CHSY3: variants seen among roughly 807,000 people sequenced by gnomAD.
CHSY3 encodes N-acetylgalactosaminyl-proteoglycan 3-beta-glucuronosyltransferase 3.
A neutral mutation model predicts 67.2 loss-of-function variants in CHSY3; 35 were observed. The observed-to-expected ratio is 0.52, with a 90% CI of 0.40 to 0.69. The LOEUF is 0.69. Ranked by LOEUF, CHSY3 falls within the 30% of genes least tolerant of loss-of-function variation. CHSY3 has a pLI of 0.00. For synonymous variants in CHSY3, 474 were observed against 434.7 expected, an observed-to-expected ratio of 1.09 and a Z score of -1.12; for missense variants, 1,069 against 1,138.5, an observed-to-expected ratio of 0.94 and a Z score of 0.88.
chr5:129,911,939 C>A (rs1760570057), intron 2 of CHSY3, among the ~76,000 whole-genome samples: 2 of 152,046 alleles, frequency 1.3e-5, no homozygotes, highest in Non-Finnish European at 2.9e-5. Context: ...GCCTGTAGTC[C>A]CAGCTACTTG....
intron 2 of CHSY3, among the ~76,000 whole-genome samples, chr5:130,108,957 C>T (rs1767504435): frequency 6.6e-6 from 1 of 151,578 alleles, no homozygotes; most frequent in South Asian, 2.1e-4. Flanking sequence ...CCAAAATAGT[C>T]TAAAGCATGG....
At chr5:130,081,840 G>A (rs1176123686) in intron 2 of CHSY3, among the ~76,000 whole-genome samples, 4 of 151,920 alleles carry the variant, frequency 2.6e-5, no homozygotes, top group Non-Finnish European at 4.4e-5. Context: ...ACCCACTCTC[G>A]GATGTTTCTT....
At position 129,969,091 on chromosome 5, in the gene CHSY3, A is replaced by T. The variant is rs1185133487; in HGVS notation, c.1086+60731A>T. 2.6e-5 allele frequency among the ~76,000 whole-genome samples: 4 copies of T among 151,884 alleles called. No individual in the cohort carries two copies. In the Admixed American group the frequency reaches 2.6e-4, roughly 10 times the overall value. On this transcript the variant is annotated intron_variant, in intron 2 of 2. Coordinates refer to ENST00000305031, the MANE Select transcript of CHSY3 (RefSeq NM_175856.5). ...TATGTACTGGTATATATTTTACAGC[A>T]TTACTGTATCTTTCAAAAGAAATAT...
At chr5:130,049,430 A>T (rs1765260676) in intron 2 of CHSY3, among the ~76,000 whole-genome samples, 1 of 152,132 alleles carries the variant, frequency 6.6e-6, no homozygotes, top group Non-Finnish European at 1.5e-5. Flanking sequence ...TCCCACAGAT[A>T]GCTGGCACAT....
intron 2 of CHSY3, among the ~76,000 whole-genome samples, chr5:129,961,576 C>T (rs968141132): frequency 3.3e-5 from 5 of 151,962 alleles, no homozygotes; most frequent in African/African-American, 1.2e-4. Context: ...AGGCTTTCCA[C>T]ACCTTTTGTT....
intron 2 of CHSY3, among the ~76,000 whole-genome samples, chr5:130,149,225 T>A (rs1207400944): frequency 6.6e-6 from 1 of 152,156 alleles, no homozygotes; most frequent in Non-Finnish European, 1.5e-5. Context: ...GGTACCAATT[T>A]TCTGTATTAG....
At chr5:130,052,989 G>C (rs1334282063) in intron 2 of CHSY3, among the ~76,000 whole-genome samples, 1 of 152,102 alleles carries the variant, frequency 6.6e-6, no homozygotes, top group Non-Finnish European at 1.5e-5. Context: ...CAAACAAGGA[G>C]TGAATTGGAT....
chr5:130,055,992 T>C (rs917105221), intron 2 of CHSY3, among the ~76,000 whole-genome samples: 22 of 152,154 alleles, frequency 1.4e-4, no homozygotes, highest in African/African-American at 4.1e-4. Flanking sequence ...TTTGATCACA[T>C]AAGTATTAAT....
intron 2 of CHSY3, among the ~76,000 whole-genome samples, chr5:129,937,491 C>T (rs558273411): frequency 2.0e-5 from 3 of 152,118 alleles, no homozygotes; most frequent in African/African-American, 7.2e-5. Context: ...CCTGGACCCT[C>T]CCAAGTCTCA....
chr5:129,969,945 C>T (rs1478739739), intron 2 of CHSY3, among the ~76,000 whole-genome samples: 1 of 151,788 alleles, frequency 6.6e-6, no homozygotes, highest in Non-Finnish European at 1.5e-5. Context: ...ATAAAATGAA[C>T]TCTGTACTTC....
chr5:130,112,366 T>C (rs1266738180), intron 2 of CHSY3, among the ~76,000 whole-genome samples: 1 of 152,138 alleles, frequency 6.6e-6, no homozygotes, highest in East Asian at 1.9e-4. Flanking sequence ...AGCTGGGAAC[T>C]TGTTAGAAAT....
intron 2 of CHSY3, among the ~76,000 whole-genome samples, chr5:130,068,741 A>G (rs1300448271): frequency 1.3e-5 from 2 of 152,178 alleles, no homozygotes; most frequent in African/African-American, 4.8e-5. Flanking sequence ...ATGCTGGTAC[A>G]TGATGCCTGC....
intron 2 of CHSY3, among the ~76,000 whole-genome samples, chr5:130,181,984 A>G (rs758202783): frequency 7.3e-5 from 7 of 96,250 alleles, no homozygotes; most frequent in South Asian, 3.4e-4. Flanking sequence ...ATATATATTT[A>G]GGTGTATGTA....
intron 2 of CHSY3, among the ~76,000 whole-genome samples, chr5:130,124,800 A>G (rs1768209167): frequency 6.6e-6 from 1 of 152,084 alleles, no homozygotes; most frequent in Non-Finnish European, 1.5e-5. Context: ...ATGTATTCCT[A>G]TGTAAAATTG....
chr5:130,098,099 A>G (rs934874340), intron 2 of CHSY3, among the ~76,000 whole-genome samples: 3 of 152,208 alleles, frequency 2.0e-5, no homozygotes, highest in Middle Eastern at 3.2e-3. Flanking sequence ...CTACAAAACT[A>G]TAATGCAATG....
intron 2 of CHSY3, among the ~76,000 whole-genome samples, chr5:130,003,995 C>T (rs930748425): frequency 2.6e-5 from 4 of 152,004 alleles, no homozygotes; most frequent in East Asian, 1.9e-4. Context: ...TTTTTGGTTT[C>T]GTATTTTTCC....
At chr5:130,022,198 T>G (rs1332434823) in intron 2 of CHSY3, among the ~76,000 whole-genome samples, 2 of 152,112 alleles carry the variant, frequency 1.3e-5, no homozygotes, top group Non-Finnish European at 2.9e-5. Context: ...CCACCTATAC[T>G]AGCTTGTTAT....
intron 2 of CHSY3, among the ~76,000 whole-genome samples, chr5:129,975,882 A>G (rs1175196095): frequency 1.3e-5 from 2 of 152,056 alleles, no homozygotes; most frequent in Non-Finnish European, 2.9e-5. Context: ...GAGATAGTTT[A>G]TGTGGTAGGA....
chr5:130,154,610 GA>G (rs1345065379), intron 2 of CHSY3, among the ~76,000 whole-genome samples: 1 of 152,184 alleles, frequency 6.6e-6, no homozygotes, highest in Non-Finnish European at 1.5e-5. Flanking sequence ...ATTGGGTTGA[GA>G]GTGTGTCTTC....
Sources: allele counts gnomAD v4.1 joint callset (sites outside exome capture counted in the v4.1 genomes callset), GRCh38; gene constraint gnomAD v4.1.1; transcripts MANE v1.5; gene names NCBI Gene and HGNC (gene_info 2026-07-23, HGNC 2026-07-21).